Variants in STX8 observed in about 807,000 individuals in gnomAD.
STX8 encodes the protein syntaxin 8.
In STX8, 23 loss-of-function variants were observed where a neutral mutation model predicts 37.5. The observed-to-expected ratio is 0.61, with a 90% CI of 0.44 to 0.87. STX8 has a LOEUF of 0.87. Among genes scored for constraint, STX8 ranks in the 40% least tolerant of loss-of-function variants. The pLI, the probability that STX8 is intolerant of heterozygous loss-of-function variation, is 0.00. For missense variants in STX8, 313 were observed against 284.7 expected, an observed-to-expected ratio of 1.10 and a Z score of -0.71; for synonymous variants, 115 against 99.1, an observed-to-expected ratio of 1.16 and a Z score of -0.95.
chr17:9,301,123 C>T (rs1287322384), intron 7 of STX8, among the ~76,000 whole-genome samples: 1 of 152,102 alleles, frequency 6.6e-6, no homozygotes, highest in Non-Finnish European at 1.5e-5. Context: ...TGAGCCACCA[C>T]TCCTGGCCCC....
chr17:9,501,212 A>G (rs1424903071), intron 5 of STX8, among the ~76,000 whole-genome samples: 1 of 152,022 alleles, frequency 6.6e-6, no homozygotes, highest in Non-Finnish European at 1.5e-5. Flanking sequence ...AATTAAAAAC[A>G]GATTCTAGAA....
chr17:9,302,183 A>G (rs1242333199), intron 7 of STX8, among the ~76,000 whole-genome samples: 1 of 152,132 alleles, frequency 6.6e-6, no homozygotes, highest in Non-Finnish European at 1.5e-5. Context: ...CTAGAAGATC[A>G]TTGAACCGTT....
intron 5 of STX8, among the ~76,000 whole-genome samples, chr17:9,492,387 A>G (rs1414166678): frequency 6.6e-6 from 1 of 152,206 alleles, no homozygotes; most frequent in East Asian, 1.9e-4. Flanking sequence ...GAATGACAAT[A>G]CCTAAGGTTA....
intron 7 of STX8, among the ~76,000 whole-genome samples, chr17:9,268,572 C>T (rs1001146247): frequency 3.3e-5 from 5 of 152,194 alleles, no homozygotes; most frequent in Non-Finnish European, 5.9e-5. Context: ...ACCCTAAAGA[C>T]GTCCTCCTGT....
intron 4 of STX8, among the ~76,000 whole-genome samples, chr17:9,527,838 A>G (rs1381584566): frequency 6.6e-6 from 1 of 152,210 alleles, no homozygotes; most frequent in Non-Finnish European, 1.5e-5. Flanking sequence ...TACATCTTTA[A>G]CACTCATACC....
intron 7 of STX8, among the ~76,000 whole-genome samples, chr17:9,318,841 A>T (rs1317881121): frequency 6.6e-6 from 1 of 152,156 alleles, no homozygotes; most frequent in African/African-American, 2.4e-5. Flanking sequence ...CTGTGATAAA[A>T]GGGAAAAAAT....
chr17:9,328,474 T>G (rs1307433003), intron 7 of STX8, among the ~76,000 whole-genome samples: 1 of 152,086 alleles, frequency 6.6e-6, no homozygotes, highest in Admixed American at 6.5e-5. Flanking sequence ...TGGTCCACAC[T>G]CCTTCTGAAC....
In STX8 at chr17:9,277,977, C is replaced by T. The variant is rs575749366; in HGVS notation, c.644-27332G>A. On this transcript the variant is annotated intron_variant, in intron 7 of 7. Coordinates refer to ENST00000306357, the MANE Select transcript of STX8 (RefSeq NM_004853.3). ...GCAAGTGAAGGGTTTAAGCAGGGAG[C>T]GGCAATATCTCCTTTAGGTTAGACA... Among the ~76,000 whole-genome samples, 50 of 152,200 alleles carry T rather than the reference C, an allele frequency of 3.3e-4. 2 individuals are homozygous for T. Among genetic ancestry groups the T allele is most frequent in the Admixed American group, 9.2e-4 (14 of 15,292 alleles).
chr17:9,506,171 A>ATGT (rs1165845237), intron 4 of STX8, among the ~76,000 whole-genome samples: 1 of 151,840 alleles, frequency 6.6e-6, no homozygotes, highest in East Asian at 1.9e-4. Flanking sequence ...CTCAGTCCCC[A>ATGT]TGTTTTCAGG....
At chr17:9,492,955 G>A (rs1368855776) in intron 5 of STX8, among the ~76,000 whole-genome samples, 2 of 152,100 alleles carry the variant, frequency 1.3e-5, no homozygotes, top group East Asian at 1.9e-4. Flanking sequence ...AAAATTAGCT[G>A]GGCCTGGTGG....
chr17:9,514,830 A>G (rs1253979141), intron 4 of STX8, among the ~76,000 whole-genome samples: 1 of 152,156 alleles, frequency 6.6e-6, no homozygotes, highest in Admixed American at 6.6e-5. Context: ...TTTTATATAG[A>G]TAAGGTGCAT....
At chr17:9,505,670 G>C (rs1161517651) in intron 4 of STX8, among the ~76,000 whole-genome samples, 1 of 152,190 alleles carries the variant, frequency 6.6e-6, no homozygotes, top group African/African-American at 2.4e-5. Flanking sequence ...GCCGGGCGCA[G>C]TGGCTCATGT....
chr17:9,565,418 C>A (rs1231660848), intron 2 of STX8, among the ~76,000 whole-genome samples: 1 of 151,836 alleles, frequency 6.6e-6, no homozygotes, highest in Non-Finnish European at 1.5e-5. Context: ...GATTTCGAGA[C>A]CAGCCTGGCC....
In STX8 at chr17:9,257,759, G is replaced by T. The variant is rs764278090; in HGVS notation, c.644-7114C>A. 6.6e-5 allele frequency among the ~76,000 whole-genome samples: 10 copies of T among 152,358 alleles called. No homozygotes were observed. In the East Asian group the frequency reaches 1.7e-3, roughly 26 times the overall value. ...CCCCAGCACTTTGGGAGGCCAAGGC[G>T]AGTGGATCACCTGAGGTCAGGAGAT... On this transcript the variant is annotated intron_variant, in intron 7 of 7. Coordinates refer to ENST00000306357, the MANE Select transcript of STX8 (RefSeq NM_004853.3).
chr17:9,356,719 G>A (rs777101741), intron 7 of STX8, among the ~76,000 whole-genome samples: 25 of 152,184 alleles, frequency 1.6e-4, no homozygotes, highest in Non-Finnish European at 3.4e-4. Flanking sequence ...CCCCATGGCA[G>A]TGGCAGCCTC....
chr17:9,397,969 CAG>C (rs1912463615), intron 6 of STX8, among the ~76,000 whole-genome samples: 1 of 119,012 alleles, frequency 8.4e-6, no homozygotes, highest in African/African-American at 3.3e-5. Flanking sequence ...GCCTGGGGGA[CAG>C]AGTGAGATTC....
At chr17:9,562,333 G>A (rs1198249827) in intron 2 of STX8, among the ~76,000 whole-genome samples, 2 of 151,950 alleles carry the variant, frequency 1.3e-5, no homozygotes, top group Non-Finnish European at 2.9e-5. Context: ...GTGAACCCGG[G>A]AGGCGGAGCT....
At chr17:9,557,835 A>G (rs1442630620) in intron 2 of STX8, among the ~76,000 whole-genome samples, 1 of 152,108 alleles carries the variant, frequency 6.6e-6, no homozygotes, top group Non-Finnish European at 1.5e-5. Flanking sequence ...CTGTCACCTG[A>G]GCTTCTACCC....
At position 9,516,257 on chromosome 17, in the gene STX8, T is replaced by C. The variant is rs73973798; in HGVS notation, c.324-11095A>G. Among the ~76,000 whole-genome samples, 686 of 140,302 alleles carry C rather than the reference T, an allele frequency of 4.9e-3. 3 individuals are homozygous for C. Among genetic ancestry groups the C allele is most frequent in the African/African-American group, 0.017 (644 of 37,322 alleles). 92.0% of individuals were successfully genotyped at this position (140,302 alleles called of 152,430 possible). On this transcript the variant is annotated intron_variant, in intron 4 of 7. Coordinates refer to ENST00000306357, the MANE Select transcript of STX8 (RefSeq NM_004853.3). ...TTCAAGGGGAAAAAATGTAAAAATA[T>C]TTTTTTCACAATCTCAAAAATGACA...
Sources: allele counts gnomAD v4.1 joint callset (sites outside exome capture counted in the v4.1 genomes callset), GRCh38; gene constraint gnomAD v4.1.1; transcripts MANE v1.5; gene names NCBI Gene and HGNC (gene_info 2026-07-23, HGNC 2026-07-21).